The following CACNA1S variants were observed in gnomAD, a reference collection of about 807,000 sequenced individuals.
CACNA1S encodes calcium voltage-gated channel subunit alpha1 S.
In CACNA1S, 126 loss-of-function variants were observed where a neutral mutation model predicts 207.4. The observed-to-expected ratio is 0.61, with a 90% CI of 0.53 to 0.70. The LOEUF is 0.70. Ranked by LOEUF, CACNA1S falls within the 30% of genes least tolerant of loss-of-function variation. CACNA1S has a pLI of 0.00. For missense variants in CACNA1S, 2,349 were observed against 2,422.8 expected, an observed-to-expected ratio of 0.97 and a Z score of 0.64; for synonymous variants, 960 against 932.7, an observed-to-expected ratio of 1.03 and a Z score of -0.53.
rs373469900 is a variant in CACNA1S, at chr1:201,084,941, G to C, written c.1232+9C>G. The C allele has an allele frequency of 6.2e-7, 1 of 1,603,854 alleles. No individual in the cohort carries two copies. Among genetic ancestry groups the C allele is most frequent in the Non-Finnish European group, 8.5e-7 (1 of 1,171,740 alleles). On this transcript the variant is annotated intron_variant, in intron 9 of 43. Coordinates refer to ENST00000362061, the MANE Select transcript of CACNA1S (RefSeq NM_000069.3). Reference sequence around the variant, plus strand: ...TTGGGGGTTCCTGGGGCAGTGGGCAGATACTCACATGAACTGGATGATTTT... The same window carrying C: ...TTGGGGGTTCCTGGGGCAGTGGGCACATACTCACATGAACTGGATGATTTT...
At chr1:201,076,815 C>T (rs1661637748) in intron 12 of CACNA1S, 105 bp downstream of exon 12, 1 of 1,051,074 alleles carries the variant, frequency 9.5e-7, no homozygotes, top group Non-Finnish European at 1.5e-6. Context: ...ACCAGCAGAT[C>T]AGACAAGGCT....
chr1:201,070,458 A>G (rs2102132771), intron 16 of CACNA1S, 54 bp from the exon 17 acceptor site: 4 of 1,610,710 alleles, frequency 2.5e-6, no homozygotes, highest in Non-Finnish European at 3.4e-6. Flanking sequence ...TGCTATGCCC[A>G]TGGCTTCTGT....
In CACNA1S at chr1:201,073,602, C is replaced by A. The variant is rs1473781692; in HGVS notation, c.2104G>T (p.Ala702Ser). ...DKSEEEKSTM[A>S]KKLEQKPKGE... is the part of the protein sequence containing the mutation. The stretch of plus-strand genomic sequence containing the variant: ...TTGGGTTTCTGCTCCAGCTTCTTGG[C>A]CATCGTTGACTTCTCCTCTTCTGAC... The change falls in exon 15 of 44, where the codon GCC becomes TCC. Residue 702 changes from alanine (A) to serine (S), a missense_variant. Coordinates refer to ENST00000362061, the MANE Select transcript of CACNA1S (RefSeq NM_000069.3). The A allele has an allele frequency of 1.9e-6, 3 of 1,614,106 alleles. No homozygotes were observed. Among genetic ancestry groups the A allele is most frequent in the Non-Finnish European group, 2.5e-6 (3 of 1,180,034 alleles).
chr1:201,044,208 T>A (rs2297906), intron 39 of CACNA1S, 120 bp downstream of exon 39: 2 of 1,220,332 alleles, frequency 1.6e-6, no homozygotes, highest in Admixed American at 1.8e-5. Flanking sequence ...AGAGACGGAG[T>A]GGGGTATCTT....
Position 201,053,428 on chromosome 1 carries a change from G to C in CACNA1S, c.3795+31C>G. The C allele has an allele frequency of 6.2e-7, 1 of 1,614,122 alleles. No individual in the cohort carries two copies. Among genetic ancestry groups the C allele is most frequent in the Non-Finnish European group, 8.5e-7 (1 of 1,180,006 alleles). ...CAGATGTCCCTAGTGGCCTCCCCAG[G>C]TACGTGCAGTTTCCAGGGTCCCTGT... On this transcript the variant is annotated intron_variant, in intron 30 of 43. Coordinates refer to ENST00000362061, the MANE Select transcript of CACNA1S (RefSeq NM_000069.3). The surrounding 1 kb of genome is among the most constrained non-coding windows in gnomAD (Gnocchi z 5.1).
intron 35 of CACNA1S, 86 bp from the exon 36 acceptor site, chr1:201,048,770 A>T: frequency 5.8e-6 from 7 of 1,197,456 alleles, no homozygotes; most frequent in Non-Finnish European, 8.7e-6. Context: ...GTGGACCGGG[A>T]GGGGACGGGA....
At chr1:201,094,443 A>AT (rs374430620) in intron 2 of CACNA1S, among the ~76,000 whole-genome samples, 5 of 150,588 alleles carry the variant, frequency 3.3e-5, no homozygotes, top group African/African-American at 4.9e-5. Flanking sequence ...ATTTTTGTCC[A>AT]TTTTTTTTTC....
intron 8 of CACNA1S, 78 bp from the exon 9 acceptor site, chr1:201,085,109 C>A (rs1661987585): frequency 2.2e-5 from 22 of 1,004,570 alleles, no homozygotes; most frequent in Non-Finnish European, 3.3e-5. Context: ...GCACCCGAGA[C>A]AAGGGCCCAT....
At chr1:201,058,831 C>T (rs990228770) in intron 27 of CACNA1S, among the ~76,000 whole-genome samples, 11 of 152,148 alleles carry the variant, frequency 7.2e-5, no homozygotes, top group African/African-American at 2.4e-4. Flanking sequence ...CTTGACAGTG[C>T]GGAACTGACA....
At position 201,073,536 on chromosome 1, in the gene CACNA1S, C is replaced by T. The variant is rs1383148737; in HGVS notation, c.2157+13G>A. ...CCTAGACTGCCTCTAACATCCCCAC[C>T]TGAGGTGCTCACCTTGGCAGTGGTG... is the stretch of plus-strand genomic sequence containing the variant. On this transcript the variant is annotated intron_variant, in intron 15 of 43. Coordinates refer to ENST00000362061, the MANE Select transcript of CACNA1S (RefSeq NM_000069.3). 6.2e-7 allele frequency: 1 copy of T among 1,605,692 alleles called. No individual in the cohort carries two copies. Among genetic ancestry groups the T allele is most frequent in the African/African-American group, 1.3e-5 (1 of 74,864 alleles).
chr1:201,048,240 G>A (rs984156730), intron 36 of CACNA1S, among the ~76,000 whole-genome samples: 3 of 152,194 alleles, frequency 2.0e-5, no homozygotes, highest in African/African-American at 7.2e-5. Flanking sequence ...GTGGACTCCC[G>A]TCAGCCTGCC....
intron 2 of CACNA1S, among the ~76,000 whole-genome samples, chr1:201,102,771 T>C (rs1662727365): frequency 6.6e-6 from 1 of 152,198 alleles, no homozygotes; most frequent in Non-Finnish European, 1.5e-5. Flanking sequence ...CCAGACTCCA[T>C]GGTCTCAACC....
At position 201,053,508 on chromosome 1, in the gene CACNA1S, C is replaced by T. The variant is rs775009783; in HGVS notation, c.3746G>A (p.Arg1249Gln). ...RVMRLIKLLS[R>Q]AEGVRTLLWT... is the part of the protein sequence containing the mutation. ...CAGGAGGGTTCGCACTCCTTCTGCC[C>T]GGCTCAGCAGCTTGATCAGCCTCAT... Residue 1249 changes from arginine (R) to glutamine (Q), a missense_variant, in exon 30 of 44, where the codon CGG (arginine) becomes CAG (glutamine). Coordinates refer to ENST00000362061, the MANE Select transcript of CACNA1S (RefSeq NM_000069.3). The surrounding 1 kb of genome is among the most constrained non-coding windows in gnomAD (Gnocchi z 5.1). 4.8e-5 allele frequency: 78 copies of T among 1,614,010 alleles called. 1 individual carries two copies. Among genetic ancestry groups the T allele is most frequent in the Non-Finnish European group, 5.8e-5 (68 of 1,180,018 alleles).
intron 1 of CACNA1S, among the ~76,000 whole-genome samples, chr1:201,110,776 T>A (rs900292366): frequency 2.0e-5 from 3 of 152,174 alleles, no homozygotes; most frequent in Non-Finnish European, 2.9e-5. Flanking sequence ...CAGAGCCATG[T>A]GCACATGCTG....
intron 22 of CACNA1S, among the ~76,000 whole-genome samples, chr1:201,063,140 T>G (rs1661124512): frequency 7.9e-6 from 1 of 126,260 alleles, no homozygotes; most frequent in Non-Finnish European, 1.8e-5. Flanking sequence ...CCTTTTTTTT[T>G]TTTTTCAAGG....
At chr1:201,056,924 C>G (rs532771306) in intron 28 of CACNA1S, among the ~76,000 whole-genome samples, 1 of 152,308 alleles carries the variant, frequency 6.6e-6, no homozygotes, top group African/African-American at 2.4e-5. Flanking sequence ...GATCCAGACA[C>G]TGATCCCTTC....
At chr1:201,102,666 T>C (rs1374778548) in intron 2 of CACNA1S, among the ~76,000 whole-genome samples, 1 of 152,204 alleles carries the variant, frequency 6.6e-6, no homozygotes, top group East Asian at 1.9e-4. Context: ...TATCCCATTT[T>C]ACAGATGAGG....
chr1:201,062,475 C>G lies in CACNA1S; in HGVS notation c.2893G>C (p.Glu965Gln), dbSNP rs762350071. The part of the protein sequence containing the change: ...FRCTDLSKMT[E>Q]EECRGYYYVY... ...TGCCCCATGTACCTGCACTCCTCCTCTGTCATCTTGGACAAGTCGGTGCAC... is the reference window on the plus strand; with the variant it reads ...TGCCCCATGTACCTGCACTCCTCCTGTGTCATCTTGGACAAGTCGGTGCAC... The change falls in exon 23 of 44, where the codon GAG (glutamate) becomes CAG (glutamine). Residue 965 changes from glutamate to glutamine, a missense_variant. By Grantham distance (29) the Glu-to-Gln change is conservative. Transcript: ENST00000362061. 1.9e-5 allele frequency: 30 copies of G among 1,613,262 alleles called. No individual in the cohort carries two copies. The highest frequency in any genetic ancestry group is 4.2e-6 in the Non-Finnish European group (5 of 1,179,746).
intron 16 of CACNA1S, among the ~76,000 whole-genome samples, chr1:201,070,651 C>T (rs1661413102): frequency 6.6e-6 from 1 of 152,138 alleles, no homozygotes; most frequent in Non-Finnish European, 1.5e-5. Context: ...AAGGAGCAAG[C>T]CCAAGTAACT....
Sources: allele counts gnomAD v4.1 joint callset (sites outside exome capture counted in the v4.1 genomes callset), GRCh38; gene constraint gnomAD v4.1.1; non-coding constraint Gnocchi (gnomAD v3.1); transcripts MANE v1.5; gene names NCBI Gene and HGNC (gene_info 2026-07-23, HGNC 2026-07-21).